The following CPAP variants were observed in gnomAD, a reference collection of about 807,000 sequenced individuals.
CPAP encodes the protein centrosomal P4.1-associated protein.
chr13:24,906,239 ATT>A, the CPAP span: 1 of 1,606,620 alleles, frequency 6.2e-7, no homozygotes, highest in South Asian at 1.1e-5. Flanking sequence ...CCTTTCTAAG[ATT>A]TTCAGTACAA....
At chr13:24,886,260 G>C in the CPAP span, 6 of 1,255,218 alleles carry the variant, frequency 4.8e-6, no homozygotes, top group Non-Finnish European at 6.3e-6. Context: ...GCAAGTGCCA[G>C]AATCTGACCT....
the CPAP span, among the ~76,000 whole-genome samples, chr13:24,926,936 A>C: frequency 6.6e-6 from 1 of 152,226 alleles, no homozygotes; most frequent in East Asian, 1.9e-4. Flanking sequence ...TGCTAGCTCA[A>C]ACAACTTTAG....
At chr13:24,907,250 A>C in the CPAP span, 1 of 1,391,886 alleles carries the variant, frequency 7.2e-7, no homozygotes, top group African/African-American at 1.4e-5. Flanking sequence ...AATATTTTAC[A>C]CTTAGTGTGC....
chr13:24,887,991 C>T, the CPAP span, among the ~76,000 whole-genome samples: 6 of 152,292 alleles, frequency 3.9e-5, no homozygotes, highest in East Asian at 3.9e-4. Context: ...AGGGCAGTTC[C>T]GGGCTGCCAC....
At chr13:24,906,743 C>A in the CPAP span, 6 of 1,614,160 alleles carry the variant, frequency 3.7e-6, no homozygotes, top group Middle Eastern at 1.6e-4. Context: ...GTTGTCTGCA[C>A]ACAGCTCTTT....
chr13:24,899,451 A>G, the CPAP span: 2 of 1,613,736 alleles, frequency 1.2e-6, no homozygotes, highest in Non-Finnish European at 1.7e-6. Context: ...TTATCTGGAA[A>G]AGTTCTTGCA....
the CPAP span, among the ~76,000 whole-genome samples, chr13:24,887,787 C>G: frequency 2.6e-5 from 4 of 152,268 alleles, no homozygotes; most frequent in Admixed American, 1.3e-4. Context: ...GTCCCTGATG[C>G]CAAAAAGGTT....
chr13:24,889,126 T>C, the CPAP span: 8 of 604,510 alleles, frequency 1.3e-5, no homozygotes, highest in East Asian at 1.4e-4. Flanking sequence ...AACCGAAGCA[T>C]GGACCATTAT....
At chr13:24,914,462 C>G in the CPAP span, among the ~76,000 whole-genome samples, 632 of 152,268 alleles carry the variant, frequency 4.2e-3, 7 homozygotes, top group African/African-American at 0.014. Context: ...CATCCGAGCC[C>G]CAAAACACTA....
the CPAP span, chr13:24,905,489 T>G: frequency 6.2e-7 from 1 of 1,614,204 alleles, no homozygotes; most frequent in Non-Finnish European, 8.5e-7. Flanking sequence ...CTTGCTCAAG[T>G]CTTCTCCCCT....
the CPAP span, chr13:24,882,883 T>A: frequency 2.4e-5 from 9 of 382,666 alleles, no homozygotes; most frequent in East Asian, 6.0e-5. Flanking sequence ...GGTTTTTTTT[T>A]ATAGCCATTT....
chr13:24,927,221 C>G, the CPAP span, among the ~76,000 whole-genome samples: 13 of 152,272 alleles, frequency 8.5e-5, no homozygotes, highest in East Asian at 1.5e-3. Flanking sequence ...CTATGCAGAG[C>G]CCTTTCTAAT....
At chr13:24,892,569 G>A in the CPAP span, 8 of 1,176,844 alleles carry the variant, frequency 6.8e-6, no homozygotes, top group African/African-American at 1.0e-4. Flanking sequence ...TCTACTTTCT[G>A]ACTCTATGAA....
At chr13:24,912,025 T>C in the CPAP span, 2 of 1,614,000 alleles carry the variant, frequency 1.2e-6, no homozygotes, top group South Asian at 1.1e-5. Context: ...GCTCCAACTG[T>C]TGCCTCTTCA....
chr13:24,907,094 C>T, the CPAP span: 1 of 1,612,946 alleles, frequency 6.2e-7, no homozygotes, highest in Non-Finnish European at 8.5e-7. Context: ...TGCTGACCTT[C>T]AGCTGTTTTT....
the CPAP span, chr13:24,884,078 G>C: frequency 1.9e-6 from 3 of 1,592,032 alleles, no homozygotes; most frequent in Non-Finnish European, 2.6e-6. Context: ...TCTGGGTAAT[G>C]TTTTTCTGTT....
chr13:24,889,362 TGAA>T, the CPAP span: 1 of 1,612,148 alleles, frequency 6.2e-7, no homozygotes, highest in Non-Finnish European at 8.5e-7. Context: ...CCTGGGTTCC[TGAA>T]GAAATCTGAC....
the CPAP span, among the ~76,000 whole-genome samples, chr13:24,886,955 G>C: frequency 6.6e-6 from 1 of 152,150 alleles, no homozygotes; most frequent in Non-Finnish European, 1.5e-5. Flanking sequence ...AGAGGTGACC[G>C]TGGGCATAGA....
chr13:24,916,377 C>T, the CPAP span, among the ~76,000 whole-genome samples: 1 of 152,088 alleles, frequency 6.6e-6, no homozygotes, highest in Non-Finnish European at 1.5e-5. Flanking sequence ...TCATTTCATA[C>T]TCGGTGTCTA....
Sources: allele counts gnomAD v4.1 joint callset (sites outside exome capture counted in the v4.1 genomes callset), GRCh38; gene constraint gnomAD v4.1.1; transcripts MANE v1.5; gene names NCBI Gene and HGNC (gene_info 2026-07-23, HGNC 2026-07-21).